Variants in THRB observed in about 807,000 individuals in gnomAD.
THRB encodes the protein thyroid hormone receptor beta.
In THRB, 12 loss-of-function variants were observed where a neutral mutation model predicts 47.8. That is an observed-to-expected ratio of 0.25 (90% CI 0.16 to 0.41). THRB has a LOEUF of 0.41. Among genes scored for constraint, THRB ranks in the 10% least tolerant of loss-of-function variants. The pLI, the probability that THRB is intolerant of heterozygous loss-of-function variation, is 1.00. For missense variants in THRB, 348 were observed against 589.2 expected (o/e 0.59, Z 4.24); for synonymous variants, 218 against 212.2 (o/e 1.03, Z -0.24).
intron 5 of THRB, among the ~76,000 whole-genome samples, chr3:24,166,947 C>G (rs1033015092): frequency 6.6e-6 from 1 of 151,952 alleles, no homozygotes; most frequent in African/African-American, 2.4e-5. Flanking sequence ...TATGGGGTGT[C>G]TGTTAAGTAC....
chr3:24,218,261 C>T lies in THRB; in HGVS notation c.22+10677G>A, dbSNP rs149885269. Among the ~76,000 whole-genome samples the T allele has an allele frequency of 6.4e-3, 958 of 149,160 alleles. 5 individuals carry two copies. Among genetic ancestry groups the T allele is most frequent in the Non-Finnish European group, 8.1e-3 (549 of 67,726 alleles). On this transcript the variant is annotated intron_variant, in intron 4 of 10. Coordinates refer to ENST00000646209, the MANE Select transcript of THRB (RefSeq NM_001354712.2). ...CCAGCCTGGGCGACAGAGTAAGACT[C>T]TGTCTCAAAAAAAAACAAAAAACAA...
chr3:24,188,564 T>C (rs1296915485), intron 5 of THRB, among the ~76,000 whole-genome samples: 3 of 152,058 alleles, frequency 2.0e-5, no homozygotes, highest in African/African-American at 4.8e-5. Flanking sequence ...TTGGTATCAA[T>C]TGTGAGTGAA....
At chr3:24,444,101 A>G (rs2071824462) in intron 1 of THRB, among the ~76,000 whole-genome samples, 2 of 152,196 alleles carry the variant, frequency 1.3e-5, no homozygotes, top group African/African-American at 4.8e-5. Flanking sequence ...AAAATCTATC[A>G]TCAAATAAAT....
At chr3:24,130,720 T>C (rs2033726244) in intron 9 of THRB, among the ~76,000 whole-genome samples, 1 of 152,174 alleles carries the variant, frequency 6.6e-6, no homozygotes, top group African/African-American at 2.4e-5. Context: ...GAGGGCACTC[T>C]GGCAACACAT....
chr3:24,415,410 A>G (rs957524858), intron 1 of THRB, among the ~76,000 whole-genome samples: 1 of 151,918 alleles, frequency 6.6e-6, no homozygotes, highest in African/African-American at 2.4e-5. Flanking sequence ...TTATCAGGCA[A>G]GAGTCCATAA....
chr3:24,314,602 G>T (rs1159903328), intron 2 of THRB, among the ~76,000 whole-genome samples: 6 of 152,148 alleles, frequency 3.9e-5, no homozygotes, highest in Non-Finnish European at 7.4e-5. Flanking sequence ...GGAAATACAG[G>T]ACAAGTGTCT....
intron 5 of THRB, among the ~76,000 whole-genome samples, chr3:24,185,319 G>A (rs942333823): frequency 6.6e-6 from 1 of 152,100 alleles, no homozygotes; most frequent in Non-Finnish European, 1.5e-5. Flanking sequence ...ATGATCCCAG[G>A]TTTATAAAAA....
chr3:24,381,820 CA>C (rs1399875513), intron 1 of THRB, among the ~76,000 whole-genome samples: 4 of 151,542 alleles, frequency 2.6e-5, no homozygotes, highest in African/African-American at 9.7e-5. Flanking sequence ...TCAGAGAAAA[CA>C]AAAAGGTCTC....
intron 1 of THRB, among the ~76,000 whole-genome samples, chr3:24,342,153 C>CAAAA (rs10574941): frequency 2.2e-5 from 3 of 138,880 alleles, no homozygotes; most frequent in African/African-American, 8.1e-5. Flanking sequence ...CTGTTGCGCT[C>CAAAA]AAAAAAAAAA....
intron 4 of THRB, among the ~76,000 whole-genome samples, chr3:24,227,845 G>C (rs1297683362): frequency 6.6e-6 from 1 of 152,134 alleles, no homozygotes; most frequent in Admixed American, 6.6e-5. Context: ...TGTTGCCATG[G>C]TAACAAAAAG....
intron 5 of THRB, among the ~76,000 whole-genome samples, chr3:24,169,678 AATAT>A: frequency 1.4e-5 from 2 of 147,844 alleles, no homozygotes; most frequent in Non-Finnish European, 3.0e-5. Context: ...TAATTATAAT[AATAT>A]ATATTATATA....
intron 1 of THRB, chr3:24,430,265 T>TATGGAAATAGTATGGAA (rs1290588008): frequency 1.3e-3 from 192 of 152,170 alleles, no homozygotes; most frequent in African/African-American, 4.3e-3. Flanking sequence ...AAATCAAGCA[T>TATGGAAATAGTATGGAA]GAGGTATGGA....
At chr3:24,165,059 T>G (rs749371690) in intron 5 of THRB, 1 of 762,260 alleles carries the variant, frequency 1.3e-6, no homozygotes, top group Non-Finnish European at 2.4e-6. Flanking sequence ...CGACTGCACT[T>G]GAGAAAAAGT....
rs1488979744 is a variant in THRB, at chr3:24,120,327, A to C, written c.*2557T>G. Reference sequence around the variant, plus strand: ...AGGCAATCAATCATTTAAGGTGCCAAGGATCAAACGTTCCTTTACTTGCGG... The same window carrying C: ...AGGCAATCAATCATTTAAGGTGCCACGGATCAAACGTTCCTTTACTTGCGG... On this transcript the variant is annotated 3_prime_UTR_variant, in exon 11 of 11. Coordinates refer to ENST00000646209, the MANE Select transcript of THRB (RefSeq NM_001354712.2). 1 of 152,268 alleles carries C rather than the reference A, an allele frequency of 6.6e-6. No homozygotes were observed. Among genetic ancestry groups the C allele is most frequent in the African/African-American group, 2.4e-5 (1 of 41,466 alleles). The allele number at this position is 152,268 out of a possible 1,614,324, so 9.4% of individuals were successfully genotyped here.
chr3:24,266,863 TATGG>T (rs1023267167), intron 3 of THRB, among the ~76,000 whole-genome samples: 23 of 151,046 alleles, frequency 1.5e-4, no homozygotes, highest in Admixed American at 6.6e-5. Flanking sequence ...AACATGAACC[TATGG>T]ATGGAGGAAA....
chr3:24,461,981 T>C (rs1168386011), intron 1 of THRB, among the ~76,000 whole-genome samples: 1 of 152,172 alleles, frequency 6.6e-6, no homozygotes, highest in African/African-American at 2.4e-5. Context: ...TGAAAAAAGA[T>C]GTCCACAAAA....
At chr3:24,464,043 G>A (rs1366797733) in intron 1 of THRB, among the ~76,000 whole-genome samples, 3 of 152,050 alleles carry the variant, frequency 2.0e-5, no homozygotes, top group Non-Finnish European at 4.4e-5. Flanking sequence ...TCAGGAGATC[G>A]AAACCATCCT....
chr3:24,327,384 T>C (rs2149347104), intron 2 of THRB, among the ~76,000 whole-genome samples: 1 of 152,320 alleles, frequency 6.6e-6, no homozygotes, highest in South Asian at 2.1e-4. Flanking sequence ...TAATGGTAAG[T>C]GTTTAAATCA....
intron 2 of THRB, among the ~76,000 whole-genome samples, chr3:24,331,361 T>C (rs74590804): frequency 0.024 from 3,722 of 152,228 alleles, 47 homozygotes; most frequent in Middle Eastern, 0.041. Context: ...ACAACTATTT[T>C]CTCCCCGTCC....
Sources: gnomAD v4.1 joint callset for allele counts (sites outside exome capture counted in the v4.1 genomes callset) on GRCh38, gnomAD v4.1.1 for gene constraint, MANE v1.5 for transcripts, NCBI Gene and HGNC (gene_info 2026-07-23, HGNC 2026-07-21) for gene names.